HOOK1: variants seen among roughly 807,000 people sequenced by gnomAD.
The protein encoded by HOOK1 is hook microtubule tethering protein 1.
A neutral mutation model predicts 112.8 loss-of-function variants in HOOK1; 60 were observed. The observed-to-expected ratio is 0.53, with a 90% CI of 0.43 to 0.66. HOOK1 has a LOEUF of 0.66. Ranked by LOEUF, HOOK1 falls within the 30% of genes least tolerant of loss-of-function variation. The pLI is 0.00. For synonymous variants in HOOK1, 294 were observed against 283.8 expected, an observed-to-expected ratio of 1.04 and a Z score of -0.36; for missense variants, 770 against 856.0, an observed-to-expected ratio of 0.90 and a Z score of 1.25.
rs1315282070 is a variant in HOOK1, at chr1:59,875,883, GTCA to G, written c.*2923_*2925del. ...TATTAAAGTGAGTATTCCTCATTAT[GTCA>G]TCATTTCTGATAATTAGAGTGCTAA... On this transcript the variant is annotated 3_prime_UTR_variant, in exon 22 of 22. Transcript: ENST00000371208. The G allele has an allele frequency of 6.6e-6, 1 of 152,284 alleles. No individual in the cohort carries two copies. The highest frequency in any genetic ancestry group is 2.4e-5 in the African/African-American group (1 of 41,422). The allele number at this position is 152,284 out of a possible 1,614,324, so 9.4% of individuals were successfully genotyped here. A position where few individuals can be genotyped will look rare whatever the true frequency, so the allele number is the denominator to read the frequency against.
chr1:59,815,807 C>T (rs140306663), intron 1 of HOOK1, among the ~76,000 whole-genome samples: 112 of 152,116 alleles, frequency 7.4e-4, no homozygotes, highest in African/African-American at 2.6e-3. Flanking sequence ...CTTTTTCTCG[C>T]TGGCCCTCTC....
intron 15 of HOOK1, among the ~76,000 whole-genome samples, chr1:59,860,853 A>C (rs945166285): frequency 6.6e-6 from 1 of 150,550 alleles, no homozygotes; most frequent in African/African-American, 2.5e-5. Context: ...GGCTCACTGC[A>C]ACTTCCGCCT....
chr1:59,860,330 T>C lies in HOOK1; in HGVS notation c.1532+2T>C. The C allele has an allele frequency of 6.4e-7, 1 of 1,568,746 alleles. No individual in the cohort carries two copies. Among genetic ancestry groups the C allele is most frequent in the Non-Finnish European group, 8.6e-7 (1 of 1,160,416 alleles). On this transcript the variant is annotated splice_donor_variant, in intron 15 of 21. Coordinates refer to ENST00000371208, the MANE Select transcript of HOOK1 (RefSeq NM_015888.6). LOFTEE classifies it high-confidence loss of function. ...GAATGAACTGGAAACTGAGCAGAGG[T>C]GATATGCTCCTTAGTAACTGAAAAT...
At chr1:59,864,095 TA>T (rs2102069965) in intron 16 of HOOK1, among the ~76,000 whole-genome samples, 1 of 152,144 alleles carries the variant, frequency 6.6e-6, no homozygotes, top group Non-Finnish European at 1.5e-5. Context: ...TACTGTTTTT[TA>T]AAAGAGGAAA....
chr1:59,822,092 T>TA (rs757993672), intron 2 of HOOK1, 149 bp downstream of exon 2: 3 of 654,392 alleles, frequency 4.6e-6, no homozygotes, highest in Non-Finnish European at 8.0e-6. Context: ...TTCTTGCAGG[T>TA]AGGGAACAAA....
chr1:59,847,769 C>T (rs1345745697), intron 10 of HOOK1, among the ~76,000 whole-genome samples: 1 of 151,192 alleles, frequency 6.6e-6, no homozygotes, highest in African/African-American at 2.4e-5. Context: ...TTTGTGTAAC[C>T]ATTAATTTGG....
intron 1 of HOOK1, among the ~76,000 whole-genome samples, chr1:59,816,154 G>C (rs1162581362): frequency 6.6e-6 from 1 of 152,194 alleles, no homozygotes; most frequent in East Asian, 1.9e-4. Flanking sequence ...GGATCAGGAG[G>C]CTGTAATCGG....
At chr1:59,850,982 C>A (rs2098406857) in intron 12 of HOOK1, among the ~76,000 whole-genome samples, 1 of 151,462 alleles carries the variant, frequency 6.6e-6, no homozygotes, top group African/African-American at 2.4e-5. Flanking sequence ...ACCATAAATG[C>A]AAGGGTTTAT....
chr1:59,842,065 G>T (rs548744716), intron 8 of HOOK1, among the ~76,000 whole-genome samples: 122 of 152,224 alleles, frequency 8.0e-4, no homozygotes, highest in African/African-American at 2.7e-3. Context: ...AGCAAGATTG[G>T]TTATTCACCA....
chr1:59,840,379 A>G lies in HOOK1; in HGVS notation c.609A>G (p.Glu203=). 1 of 1,577,050 alleles carries G rather than the reference A, an allele frequency of 6.3e-7. No individual in the cohort carries two copies. Among genetic ancestry groups the G allele is most frequent in the Non-Finnish European group, 8.6e-7 (1 of 1,162,758 alleles). ...AAGAGCTGAGGCAAAGATGTGAAGA[A>G]TTGGATATGCAGGTACGGGAAAAAA... ...EKEELRQRCE[E]LDMQVTTLQD... The change falls in exon 8 of 22, where the codon GAA becomes GAG. Residue 203 remains glutamate (E), a synonymous_variant. Coordinates refer to ENST00000371208, the MANE Select transcript of HOOK1 (RefSeq NM_015888.6).
chr1:59,858,068 C>A (rs2098411630), intron 12 of HOOK1, among the ~76,000 whole-genome samples: 1 of 152,098 alleles, frequency 6.6e-6, no homozygotes, highest in Non-Finnish European at 1.5e-5. Flanking sequence ...ATACTAAAGC[C>A]AAAGAGTTAT....
intron 8 of HOOK1, among the ~76,000 whole-genome samples, chr1:59,843,222 G>A (rs2098401908): frequency 6.6e-6 from 1 of 150,506 alleles, no homozygotes; most frequent in Non-Finnish European, 1.5e-5. Flanking sequence ...TTCTCCATAT[G>A]TGTATTGATT....
At position 59,836,934 on chromosome 1, in the gene HOOK1, A is replaced by G; in HGVS notation, c.536A>G (p.Gln179Arg). 6.3e-7 allele frequency: 1 copy of G among 1,590,144 alleles called. No homozygotes were observed. The highest frequency in any genetic ancestry group is 8.6e-7 in the Non-Finnish European group (1 of 1,161,630). Reference sequence around the variant, plus strand: ...GATGCTGTTGGAGAATTGGAGCAACAGGTGAGTATTTTAGTATGGAAGAAA... The same window carrying G: ...GATGCTGTTGGAGAATTGGAGCAACGGGTGAGTATTTTAGTATGGAAGAAA... ...PNDAVGELEQ[Q>R]LKRALEELQE... The change falls in exon 7 of 22, where the codon CAG becomes CGG. Residue 179 changes from glutamine (Q) to arginine (R), a missense_variant and splice_region_variant. This residue lies in a region of HOOK1 where 655 missense variants were observed against 725.9 expected (regional missense o/e 0.90). Transcript: ENST00000371208.
chr1:59,860,522 T>C (rs1180280678), intron 15 of HOOK1, among the ~76,000 whole-genome samples, 194 bp downstream of exon 15: 1 of 152,190 alleles, frequency 6.6e-6, no homozygotes, highest in African/African-American at 2.4e-5. Flanking sequence ...TTCATTTCAG[T>C]TATATTTATA....
At chr1:59,838,198 G>A (rs2098399011) in intron 7 of HOOK1, among the ~76,000 whole-genome samples, 1 of 152,090 alleles carries the variant, frequency 6.6e-6, no homozygotes, top group African/African-American at 2.4e-5. Flanking sequence ...ATAATCCTTT[G>A]GGTATATGCC....
chr1:59,870,946 A>T, intron 20 of HOOK1, 96 bp from the exon 21 acceptor site: 2 of 817,396 alleles, frequency 2.4e-6, no homozygotes, highest in South Asian at 3.3e-5. Flanking sequence ...CAATCTTTAG[A>T]TTCTCTCAAT....
At chr1:59,860,003 C>T (rs1419454539) in intron 14 of HOOK1, among the ~76,000 whole-genome samples, 185 bp from the exon 15 acceptor site, 1 of 151,878 alleles carries the variant, frequency 6.6e-6, no homozygotes, top group Non-Finnish European at 1.5e-5. Flanking sequence ...ATAATTTTTT[C>T]TTAAACACTT....
intron 8 of HOOK1, among the ~76,000 whole-genome samples, chr1:59,841,954 C>T (rs553926070): frequency 3.3e-5 from 5 of 152,092 alleles, no homozygotes; most frequent in African/African-American, 4.8e-5. Flanking sequence ...TTCCAAGTCA[C>T]GGTTCTGGGG....
At chr1:59,820,138 A>G (rs1002913030) in intron 1 of HOOK1, among the ~76,000 whole-genome samples, 2 of 152,148 alleles carry the variant, frequency 1.3e-5, no homozygotes, top group Admixed American at 1.3e-4. Context: ...ATATTTAAGA[A>G]TCAGTTGGAG....
Sources: gnomAD v4.1 joint callset for allele counts (sites outside exome capture counted in the v4.1 genomes callset) on GRCh38, gnomAD v4.1.1 for gene constraint, gnomAD v4.1.1 regional missense constraint, MANE v1.5 for transcripts, NCBI Gene and HGNC (gene_info 2026-07-23, HGNC 2026-07-21) for gene names.